Variants in PLXDC1 observed in about 807,000 individuals in gnomAD.
PLXDC1 encodes the protein plexin domain containing 1.
In PLXDC1, 39 loss-of-function variants were observed where a neutral mutation model predicts 61.3. The observed-to-expected ratio is 0.64, with a 90% confidence interval of 0.49 to 0.83. PLXDC1 has a LOEUF of 0.83. PLXDC1 is among the 40% of genes least tolerant of loss of function. The probability of loss-of-function intolerance (pLI) is 0.00; values close to 1 mark genes in which losing one functional copy is unlikely to be tolerated. For synonymous variants in PLXDC1, 212 were observed against 254.5 expected (o/e 0.83, Z 1.59); for missense variants, 596 against 666.5 (o/e 0.89, Z 1.17).
At chr17:39,109,420 G>A in intron 2 of PLXDC1, 29 bp from the exon 3 acceptor site, 4 of 1,562,270 alleles carry the variant, frequency 2.6e-6, no homozygotes, top group Non-Finnish European at 3.5e-6. Flanking sequence ...AAGCCCACAG[G>A]AGGTGTGAGT....
intron 2 of PLXDC1, among the ~76,000 whole-genome samples, chr17:39,134,640 GAAA>G (rs796521373): frequency 1.0e-5 from 1 of 98,988 alleles, no homozygotes; most frequent in African/African-American, 6.2e-5. Flanking sequence ...AAAAAAAAAA[GAAA>G]AAGAAAAAAC....
rs944244334 is a variant in PLXDC1 at position 39,147,152 on chromosome 17, T to G, written c.76+4210A>C. Among the ~76,000 whole-genome samples the G allele has an allele frequency of 3.9e-5, 6 of 152,070 alleles. No individual in the cohort carries two copies. In the East Asian group the frequency reaches 9.7e-4, roughly 25 times the overall value. ...CTTGTGTTTTTAGTAGAGACAGGGT[T>G]TCACCATATTGGGCAGGCTGGTCTC... On this transcript the variant is annotated intron_variant, in intron 1 of 13. Coordinates refer to ENST00000315392, the MANE Select transcript of PLXDC1 (RefSeq NM_020405.5).
intron 2 of PLXDC1, among the ~76,000 whole-genome samples, chr17:39,134,595 C>T (rs545894361): frequency 3.3e-5 from 5 of 150,078 alleles, no homozygotes; most frequent in African/African-American, 1.2e-4. Context: ...CATCACACTC[C>T]AGCCTAGGCC....
chr17:39,133,682 G>A (rs527830415), intron 2 of PLXDC1, among the ~76,000 whole-genome samples: 2 of 152,116 alleles, frequency 1.3e-5, no homozygotes, highest in Non-Finnish European at 2.9e-5. Context: ...GCTGTGGCGC[G>A]ACCATGGCTC....
intron 2 of PLXDC1, among the ~76,000 whole-genome samples, chr17:39,136,283 C>T (rs568141258): frequency 6.6e-6 from 1 of 152,140 alleles, no homozygotes; most frequent in South Asian, 2.1e-4. Flanking sequence ...TAAGGAGGCA[C>T]CTACCTGGGG....
chr17:39,110,016 G>C (rs1910742953), intron 2 of PLXDC1, among the ~76,000 whole-genome samples: 1 of 152,122 alleles, frequency 6.6e-6, no homozygotes, highest in Non-Finnish European at 1.5e-5. Context: ...GGTGGCACAC[G>C]CCTGTAATCC....
intron 2 of PLXDC1, among the ~76,000 whole-genome samples, chr17:39,118,601 T>C (rs1911066196): frequency 6.6e-6 from 1 of 152,230 alleles, no homozygotes; most frequent in African/African-American, 2.4e-5. Flanking sequence ...AATATCCTTG[T>C]ACCAGACATG....
chr17:39,138,433 C>G (rs1360554875), intron 2 of PLXDC1, among the ~76,000 whole-genome samples: 1 of 152,170 alleles, frequency 6.6e-6, no homozygotes, highest in Non-Finnish European at 1.5e-5. Context: ...AATCCACAAC[C>G]GAGCACACGG....
Position 39,107,500 on chromosome 17 carries a change from G to A in PLXDC1, c.618C>T (p.Asp206=). 1.9e-6 allele frequency: 3 copies of A among 1,613,752 alleles called. No homozygotes were observed. The highest frequency in any genetic ancestry group is 2.5e-6 in the Non-Finnish European group (3 of 1,179,698). The stretch of plus-strand genomic sequence containing the variant: ...CTTCCCAGCCTTGGAGATAAACGTG[G>A]TCCCACTGAACCACAAAGACTGTCC... ...DNGTVFVVQW[D]HVYLQGWEDK... Residue 206 remains aspartate, a synonymous_variant, in exon 6 of 14, where the codon GAC becomes GAT. Transcript: ENST00000315392.
chr17:39,136,308 T>C (rs1175856046), intron 2 of PLXDC1, among the ~76,000 whole-genome samples: 2 of 152,176 alleles, frequency 1.3e-5, no homozygotes, highest in African/African-American at 2.4e-5. Context: ...ACATCTAAGA[T>C]GGCACCAAAA....
At chr17:39,086,890 AAAG>A in intron 8 of PLXDC1, among the ~76,000 whole-genome samples, 1 of 151,124 alleles carries the variant, frequency 6.6e-6, no homozygotes, top group South Asian at 2.1e-4. Flanking sequence ...AGAAGAAGAA[AAAG>A]AAGAAATGCC....
chr17:39,074,976 T>C (rs1212000201), intron 11 of PLXDC1, among the ~76,000 whole-genome samples: 3 of 152,204 alleles, frequency 2.0e-5, no homozygotes, highest in African/African-American at 7.2e-5. Context: ...TTTTCTTTTT[T>C]TGAGACAGCG....
chr17:39,135,134 G>A (rs1911702225), intron 2 of PLXDC1, among the ~76,000 whole-genome samples: 1 of 152,172 alleles, frequency 6.6e-6, no homozygotes, highest in African/African-American at 2.4e-5. Flanking sequence ...GAGGCCTTCG[G>A]GTTCCTGACC....
At chr17:39,112,916 T>C (rs1910859806) in intron 2 of PLXDC1, 1 of 151,880 alleles carries the variant, frequency 6.6e-6, no homozygotes. Context: ...TTGCATGCTG[T>C]AGTGAGTTTC....
At chr17:39,128,109 A>ATACATATATATGTG (rs2143835688) in intron 2 of PLXDC1, among the ~76,000 whole-genome samples, 1 of 103,914 alleles carries the variant, frequency 9.6e-6, no homozygotes, top group Non-Finnish European at 1.9e-5. Context: ...ATATATATAT[A>ATACATATATATGTG]TATATGTATA....
chr17:39,096,917 T>C (rs1402901157), intron 7 of PLXDC1: 1 of 471,312 alleles, frequency 2.1e-6, no homozygotes. Flanking sequence ...CAGATGCTGC[T>C]AATTGCACAT....
At chr17:39,093,965 GAC>G (rs202112212) in intron 7 of PLXDC1, among the ~76,000 whole-genome samples, 9 of 152,202 alleles carry the variant, frequency 5.9e-5, no homozygotes, top group Admixed American at 2.6e-4. Context: ...AGCCCTCCAA[GAC>G]ACACACACAC....
intron 7 of PLXDC1, among the ~76,000 whole-genome samples, chr17:39,105,387 G>A (rs1010898828): frequency 2.0e-5 from 3 of 152,152 alleles, no homozygotes; most frequent in African/African-American, 7.2e-5. Context: ...ATCCCATTTT[G>A]TAGATGAGGC....
chr17:39,123,435 C>T (rs1911225817), intron 2 of PLXDC1, among the ~76,000 whole-genome samples: 2 of 152,146 alleles, frequency 1.3e-5, no homozygotes, highest in Non-Finnish European at 2.9e-5. Context: ...GGTGATCCAC[C>T]CGCCTCGGCC....
Sources: gnomAD v4.1 joint callset for allele counts (sites outside exome capture counted in the v4.1 genomes callset) on GRCh38, gnomAD v4.1.1 for gene constraint, MANE v1.5 for transcripts, NCBI Gene and HGNC (gene_info 2026-07-23, HGNC 2026-07-21) for gene names.